The following ANO3 variants were observed in gnomAD, a reference collection of about 807,000 sequenced individuals.
ANO3 encodes anoctamin 3, also known as anoctamin-3.
ANO3 carries 99 observed loss-of-function variants against 144.8 expected under a neutral mutation model. That is an observed-to-expected ratio of 0.68 (90% CI 0.58 to 0.81). The LOEUF is 0.81. Among genes scored for constraint, ANO3 ranks in the 30% least tolerant of loss-of-function variants. ANO3 has a pLI of 0.00. For synonymous variants in ANO3, 414 were observed against 392.6 expected (o/e 1.05, Z -0.64); for missense variants, 905 against 1,202.2 (o/e 0.75, Z 3.66).
At chr11:26,479,867 C>T (rs1427026452) in intron 4 of ANO3, among the ~76,000 whole-genome samples, 1 of 152,138 alleles carries the variant, frequency 6.6e-6, no homozygotes, top group East Asian at 1.9e-4. Flanking sequence ...AGCAGTGCTT[C>T]CACTTTCTCT....
intron 1 of ANO3, among the ~76,000 whole-genome samples, chr11:26,315,628 A>C (rs904312348): frequency 4.0e-5 from 6 of 151,676 alleles, no homozygotes; most frequent in Non-Finnish European, 8.8e-5. Context: ...TTTTCAAGAG[A>C]AATTGCAAAT....
intron 1 of ANO3, among the ~76,000 whole-genome samples, chr11:26,406,233 A>G (rs1441989561): frequency 3.3e-5 from 5 of 151,976 alleles, no homozygotes; most frequent in African/African-American, 4.8e-5. Context: ...CTCACTTAGC[A>G]GAAGAGCAGA....
intron 1 of ANO3, among the ~76,000 whole-genome samples, chr11:26,219,714 A>G (rs1402995670): frequency 1.3e-5 from 2 of 152,210 alleles, no homozygotes; most frequent in Admixed American, 1.3e-4. Flanking sequence ...CTGGTGAGAC[A>G]GAACCCTCAC....
At chr11:26,609,285 C>T (rs976165848) in intron 17 of ANO3, among the ~76,000 whole-genome samples, 3 of 152,104 alleles carry the variant, frequency 2.0e-5, no homozygotes, top group Admixed American at 2.0e-4. Context: ...GATGAGAGAA[C>T]TTGGATACCT....
intron 1 of ANO3, among the ~76,000 whole-genome samples, chr11:26,189,724 T>C (rs1173265711): frequency 6.6e-6 from 1 of 152,182 alleles, no homozygotes; most frequent in African/African-American, 2.4e-5. Context: ...TATCTCTCAT[T>C]CGTATGCACA....
chr11:26,451,869 G>T (rs112290095), intron 3 of ANO3, among the ~76,000 whole-genome samples: 7,949 of 152,136 alleles, frequency 0.052, 246 homozygotes, highest in African/African-American at 0.081. Context: ...CACATGGCCG[G>T]GTACTCCTCT....
chr11:26,531,958 C>T (rs138394715), intron 8 of ANO3, among the ~76,000 whole-genome samples: 1,580 of 152,122 alleles, frequency 0.01, 23 homozygotes, highest in African/African-American at 0.032. Flanking sequence ...CAAGGTACAC[C>T]CAGTCTAATG....
At chr11:26,512,788 T>G (rs944193265) in intron 5 of ANO3, among the ~76,000 whole-genome samples, 26 of 152,180 alleles carry the variant, frequency 1.7e-4, no homozygotes, top group Non-Finnish European at 2.9e-5. Context: ...TAACCAGTAC[T>G]AGGCAAGCTG....
intron 4 of ANO3, among the ~76,000 whole-genome samples, chr11:26,476,430 T>C (rs148252935): frequency 4.6e-5 from 7 of 152,036 alleles, no homozygotes; most frequent in African/African-American, 1.2e-4. Flanking sequence ...GTGAGGGCCC[T>C]GGTGTGGAAA....
At chr11:26,511,819 C>A (rs1427529752) in intron 5 of ANO3, among the ~76,000 whole-genome samples, 1 of 152,048 alleles carries the variant, frequency 6.6e-6, no homozygotes, top group Non-Finnish European at 1.5e-5. Context: ...ATCTTTTAAA[C>A]TATTGATGCC....
intron 1 of ANO3, among the ~76,000 whole-genome samples, chr11:26,217,667 T>G (rs959194222): frequency 2.6e-5 from 4 of 152,052 alleles, no homozygotes; most frequent in Non-Finnish European, 5.9e-5. Context: ...TTGGAAAAAG[T>G]TGGCAAATAG....
chr11:26,656,001 G>C, intron 24 of ANO3, 124 bp from the exon 25 acceptor site: 1 of 746,134 alleles, frequency 1.3e-6, no homozygotes, highest in Non-Finnish European at 2.2e-6. Context: ...GAGCTTGGTT[G>C]CTAAAAGTTT....
Position 26,631,733 on chromosome 11 carries a change from AG to A in ANO3, c.1874-2469del, listed in dbSNP as rs1210641809. Among the ~76,000 whole-genome samples, 9 of 152,310 alleles carry A rather than the reference AG, an allele frequency of 5.9e-5. No individual in the cohort carries two copies. The East Asian group carries it at 1.7e-3, about 29-fold the overall frequency. ...ATCAGGTTAATATTAGGGAAACTAG[AG>A]GCAAAGAGGAATACTGCATACTAGT... On this transcript the variant is annotated intron_variant, in intron 18 of 26. Transcript: ENST00000256737.
chr11:26,491,495 C>G (rs1292693201), intron 4 of ANO3, among the ~76,000 whole-genome samples: 1 of 152,122 alleles, frequency 6.6e-6, no homozygotes, highest in Non-Finnish European at 1.5e-5. Context: ...CTCTTGTAAG[C>G]TGGTACAATC....
In ANO3 at chr11:26,477,141, A is replaced by G. The variant is rs1437772129; in HGVS notation, c.432+13993A>G. On this transcript the variant is annotated intron_variant, in intron 4 of 26. Transcript: ENST00000256737. ...GTGTGTGCACAGATGCGTGCATTCC[A>G]GGTACCATATGAGAAACAGTGGATA... Among the ~76,000 whole-genome samples, 3 of 152,110 alleles carry G rather than the reference A, an allele frequency of 2.0e-5. No homozygotes were observed. In the East Asian group the frequency reaches 5.8e-4, roughly 29 times the overall value.
intron 26 of ANO3, among the ~76,000 whole-genome samples, chr11:26,657,391 CTAATA>C (rs1157736656): frequency 6.6e-6 from 1 of 151,986 alleles, no homozygotes; most frequent in Non-Finnish European, 1.5e-5. Flanking sequence ...GTGAGAGTGT[CTAATA>C]TAAGAGTTAA....
In ANO3 at chr11:26,377,848, A is replaced by G. The variant is rs141907947; in HGVS notation, c.46+45527A>G. 2.6e-3 allele frequency among the ~76,000 whole-genome samples: 402 copies of G among 152,266 alleles called. 4 individuals are homozygous for G. The highest frequency in any genetic ancestry group is 9.3e-3 in the African/African-American group (388 of 41,578). On this transcript the variant is annotated intron_variant, in intron 1 of 26. Coordinates refer to ENST00000256737, the MANE Select transcript of ANO3 (RefSeq NM_031418.4). ...CTTCTCAAGAGTAACAATGGAAGCT[A>G]TCAGACAGTGGTACAAATATCTCCA...
chr11:26,494,349 C>T (rs11029581), intron 4 of ANO3, among the ~76,000 whole-genome samples: 8,827 of 152,110 alleles, frequency 0.058, 509 homozygotes, highest in African/African-American at 0.15. Flanking sequence ...CTCTTGCTAG[C>T]TATTTTACAT....
At chr11:26,269,638 C>T (rs908968301) in intron 1 of ANO3, among the ~76,000 whole-genome samples, 162 of 152,310 alleles carry the variant, frequency 1.1e-3, no homozygotes, top group African/African-American at 3.5e-3. Flanking sequence ...CACCTGGCAG[C>T]TCAGTGCTCT....
Sources: allele counts gnomAD v4.1 joint callset (sites outside exome capture counted in the v4.1 genomes callset), GRCh38; gene constraint gnomAD v4.1.1; transcripts MANE v1.5; gene names NCBI Gene and HGNC (gene_info 2026-07-23, HGNC 2026-07-21).